ZNF438: variants seen among roughly 807,000 people sequenced by gnomAD.
ZNF438 encodes the protein zinc finger protein 438.
ZNF438 carries 25 observed loss-of-function variants against 38.0 expected under a neutral mutation model. The observed-to-expected ratio is 0.66, with a 90% CI of 0.48 to 0.92. ZNF438 has a LOEUF of 0.92. Among genes scored for constraint, ZNF438 ranks in the 40% least tolerant of loss-of-function variants. The pLI is 0.00. For synonymous variants in ZNF438, 372 were observed against 364.1 expected (o/e 1.02, Z -0.25); for missense variants, 1,007 against 999.6 (o/e 1.01, Z -0.10).
intron 4 of ZNF438, among the ~76,000 whole-genome samples, chr10:30,867,864 T>C (rs979901779): frequency 6.6e-6 from 1 of 152,218 alleles, no homozygotes. Flanking sequence ...TATCACTAGC[T>C]GTCAACATTA....
chr10:30,908,121 A>G (rs1355143657), intron 3 of ZNF438, among the ~76,000 whole-genome samples: 3 of 152,104 alleles, frequency 2.0e-5, no homozygotes, highest in East Asian at 1.9e-4. Context: ...TAATTTCCAC[A>G]TATCTGTGCA....
intron 1 of ZNF438, among the ~76,000 whole-genome samples, chr10:30,955,599 T>A (rs1466590874): frequency 2.0e-5 from 3 of 152,200 alleles, no homozygotes; most frequent in Non-Finnish European, 4.4e-5. Flanking sequence ...CCTGTATATA[T>A]GTATCTTGAA....
chr10:30,854,646 C>G (rs1260902403), intron 4 of ZNF438, among the ~76,000 whole-genome samples: 1 of 152,094 alleles, frequency 6.6e-6, no homozygotes, highest in African/African-American at 2.4e-5. Flanking sequence ...TTATTTATTG[C>G]CAGAATAAGG....
At chr10:30,998,899 T>C (rs1305344186) in intron 1 of ZNF438, among the ~76,000 whole-genome samples, 1 of 152,184 alleles carries the variant, frequency 6.6e-6, no homozygotes, top group African/African-American at 2.4e-5. Flanking sequence ...GATTTCTCTA[T>C]TTCCATACAC....
chr10:30,888,832 CA>C (rs1313140165), intron 3 of ZNF438, among the ~76,000 whole-genome samples: 3 of 152,196 alleles, frequency 2.0e-5, no homozygotes, highest in African/African-American at 7.2e-5. Context: ...CTGCAATGAA[CA>C]TATGTCTGCA....
intron 2 of ZNF438, among the ~76,000 whole-genome samples, chr10:30,915,432 C>T (rs1388554083): frequency 6.6e-6 from 1 of 152,016 alleles, no homozygotes; most frequent in African/African-American, 2.4e-5. Context: ...AGACTGTCAT[C>T]TTGCTGGATA....
intron 1 of ZNF438, among the ~76,000 whole-genome samples, chr10:30,979,081 T>C (rs575325471): frequency 7.7e-4 from 117 of 152,366 alleles, no homozygotes; most frequent in African/African-American, 2.6e-3. Context: ...GTTTACACTA[T>C]GGTTTGCTGA....
chr10:30,844,800 T>C (rs574442522), exon 6 of ZNF438: 16 of 926,764 alleles, frequency 1.7e-5, no homozygotes, highest in Non-Finnish European at 2.6e-5. Flanking sequence ...AGCTTATATT[T>C]TATTTCGTTA....
At chr10:30,867,059 T>C (rs1297947315) in intron 4 of ZNF438, among the ~76,000 whole-genome samples, 1 of 152,148 alleles carries the variant, frequency 6.6e-6, no homozygotes, top group Non-Finnish European at 1.5e-5. Context: ...AATTTCACAG[T>C]ACAATTAAAC....
intron 1 of ZNF438, among the ~76,000 whole-genome samples, chr10:31,008,506 G>A (rs2055364835): frequency 6.6e-6 from 1 of 152,114 alleles, no homozygotes; most frequent in Non-Finnish European, 1.5e-5. Flanking sequence ...GGCCTACCTT[G>A]CACATTTCAC....
intron 2 of ZNF438, among the ~76,000 whole-genome samples, chr10:30,915,300 C>T (rs2043495635): frequency 6.6e-6 from 1 of 152,034 alleles, no homozygotes; most frequent in Non-Finnish European, 1.5e-5. Context: ...TATGAGAATT[C>T]ATGCAAGTCG....
intron 4 of ZNF438, among the ~76,000 whole-genome samples, chr10:30,868,545 AT>A (rs1293437119): frequency 1.0e-5 from 1 of 97,440 alleles, no homozygotes; most frequent in African/African-American, 4.1e-5. Context: ...TGTTTACTCT[AT>A]TAAAAAGCAT....
At chr10:30,900,922 G>A (rs1339444025) in intron 3 of ZNF438, among the ~76,000 whole-genome samples, 1 of 152,188 alleles carries the variant, frequency 6.6e-6, no homozygotes. Flanking sequence ...TCCTTCCTGT[G>A]TGTGCTGGTT....
chr10:30,927,974 T>C (rs1010055906), intron 2 of ZNF438, among the ~76,000 whole-genome samples: 2 of 152,212 alleles, frequency 1.3e-5, no homozygotes, highest in Admixed American at 6.5e-5. Flanking sequence ...AGAAGTTACA[T>C]TGGCAAGAAA....
chr10:30,849,139 G>C, exon 5 of ZNF438: 1 of 1,613,744 alleles, frequency 6.2e-7, no homozygotes, highest in Non-Finnish European at 8.5e-7. Context: ...TTTGGTCTCT[G>C]AATTCTTGGG....
At chr10:30,885,645 T>G (rs1268175271) in intron 3 of ZNF438, among the ~76,000 whole-genome samples, 2 of 152,202 alleles carry the variant, frequency 1.3e-5, no homozygotes, top group Non-Finnish European at 2.9e-5. Context: ...TATACACTCC[T>G]CATGCTCTCC....
chr10:30,852,589 G>A (rs747629180), intron 4 of ZNF438, among the ~76,000 whole-genome samples: 19 of 152,124 alleles, frequency 1.2e-4, no homozygotes, highest in Non-Finnish European at 2.6e-4. Flanking sequence ...AAATGACACC[G>A]CCTAAATAAA....
At chr10:30,878,775 G>A (rs1160287898) in intron 3 of ZNF438, among the ~76,000 whole-genome samples, 1 of 152,210 alleles carries the variant, frequency 6.6e-6, no homozygotes, top group Admixed American at 6.5e-5. Flanking sequence ...TGTGCATGGA[G>A]CTTGCTCCTG....
chr10:31,022,816 C>T (rs542867316), intron 1 of ZNF438, among the ~76,000 whole-genome samples: 12 of 152,224 alleles, frequency 7.9e-5, no homozygotes, highest in South Asian at 4.2e-4. Flanking sequence ...TCAAGCATCT[C>T]GACAACTATT....
Sources: allele counts gnomAD v4.1 joint callset (sites outside exome capture counted in the v4.1 genomes callset), GRCh38; gene constraint gnomAD v4.1.1; transcripts MANE v1.5; gene names NCBI Gene and HGNC (gene_info 2026-07-23, HGNC 2026-07-21).